The following CDH12 variants were observed in gnomAD, a reference collection of about 807,000 sequenced individuals.
CDH12 encodes cadherin 12, also known as cadherin-12.
A neutral mutation model predicts 74.1 loss-of-function variants in CDH12; 41 were observed. The ratio of observed to expected loss-of-function variants is 0.55; its 90% CI spans 0.43 to 0.72. CDH12 has a LOEUF of 0.72. Among genes scored for constraint, CDH12 ranks in the 30% least tolerant of loss-of-function variants. The pLI is 0.00. For missense variants in CDH12, 945 were observed against 977.2 expected, an observed-to-expected ratio of 0.97 and a Z score of 0.44; for synonymous variants, 399 against 355.0, an observed-to-expected ratio of 1.12 and a Z score of -1.39.
intron 10 of CDH12, among the ~76,000 whole-genome samples, chr5:21,798,806 A>ATGTTT (rs1362341232): frequency 6.6e-6 from 1 of 152,158 alleles, no homozygotes; most frequent in African/African-American, 2.4e-5. Flanking sequence ...AGAGACATAT[A>ATGTTT]TGTTTTTTGC....
intron 1 of CDH12, among the ~76,000 whole-genome samples, chr5:22,631,928 C>A (rs1045674399): frequency 6.6e-6 from 1 of 151,910 alleles, no homozygotes; most frequent in Non-Finnish European, 1.5e-5. Flanking sequence ...AGGATGTAAC[C>A]CCACGATCCA....
At chr5:21,867,396 C>T (rs1195184652) in intron 6 of CDH12, among the ~76,000 whole-genome samples, 1 of 152,144 alleles carries the variant, frequency 6.6e-6, no homozygotes, top group East Asian at 1.9e-4. Flanking sequence ...TTGGGAACCT[C>T]TGCCTAGATT....
At chr5:22,525,425 A>T (rs1427154082) in intron 1 of CDH12, among the ~76,000 whole-genome samples, 1 of 151,870 alleles carries the variant, frequency 6.6e-6, no homozygotes, top group Non-Finnish European at 1.5e-5. Flanking sequence ...GCCCTTAAGA[A>T]GCTGGTTTCT....
intron 1 of CDH12, among the ~76,000 whole-genome samples, chr5:22,752,469 C>T (rs1006740926): frequency 7.1e-6 from 1 of 140,564 alleles, no homozygotes; most frequent in African/African-American, 2.7e-5. Flanking sequence ...CACATGTTTT[C>T]ATTTCTCAAA....
intron 4 of CDH12, among the ~76,000 whole-genome samples, chr5:22,119,285 G>GTTT (rs397996987): frequency 3.0e-4 from 30 of 99,008 alleles, no homozygotes; most frequent in Non-Finnish European, 3.5e-4. Flanking sequence ...CTTCTACTTC[G>GTTT]TTTTTTTTTT....
chr5:22,400,870 A>T (rs986219570), intron 3 of CDH12, among the ~76,000 whole-genome samples: 27 of 152,062 alleles, frequency 1.8e-4, no homozygotes, highest in Admixed American at 1.0e-3. Flanking sequence ...GGAATTAATT[A>T]GATGGCCATG....
At position 22,045,617 on chromosome 5, in the gene CDH12, AC is replaced by A. The variant is rs1404567477; in HGVS notation, c.231+32828del. ...ACTATTCAGCCAAAAAAAAAAAAAA[AC>A]AATAAAATCTTGTCTTTTGGGACAA... On this transcript the variant is annotated intron_variant, in intron 5 of 14. Transcript: ENST00000382254. 2.4e-4 allele frequency among the ~76,000 whole-genome samples: 37 copies of A among 151,432 alleles called. 1 individual carries two copies. Among genetic ancestry groups the A allele is most frequent in the African/African-American group, 6.3e-4 (26 of 41,212 alleles).
chr5:22,817,057 G>C (rs1749428963), intron 1 of CDH12, among the ~76,000 whole-genome samples: 1 of 151,936 alleles, frequency 6.6e-6, no homozygotes, highest in African/African-American at 2.4e-5. Flanking sequence ...CCTCTCAATA[G>C]CCTCTCCTTA....
chr5:22,012,008 A>G (rs1009504171), intron 5 of CDH12, among the ~76,000 whole-genome samples: 1 of 152,122 alleles, frequency 6.6e-6, no homozygotes, highest in African/African-American at 2.4e-5. Flanking sequence ...TCAACTCTGT[A>G]TTATTGAAGT....
intron 1 of CDH12, among the ~76,000 whole-genome samples, chr5:22,611,706 T>G (rs879290272): frequency 6.6e-6 from 1 of 152,102 alleles, no homozygotes; most frequent in Non-Finnish European, 1.5e-5. Flanking sequence ...CTCAGCTGAC[T>G]GCATGCCTAT....
intron 3 of CDH12, among the ~76,000 whole-genome samples, chr5:22,404,458 C>T (rs929298095): frequency 1.3e-4 from 19 of 151,874 alleles, no homozygotes; most frequent in African/African-American, 4.1e-4. Context: ...AAGAAGCCTG[C>T]CCTTTTTTTT....
At chr5:22,212,886 G>A (rs1452294131) in intron 3 of CDH12, 2 of 152,100 alleles carry the variant, frequency 1.3e-5, no homozygotes, top group East Asian at 1.9e-4. Flanking sequence ...AAGGCACCAA[G>A]GCCACTTGGG....
intron 1 of CDH12, chr5:22,638,836 G>A (rs549311201): frequency 1.3e-5 from 2 of 151,930 alleles, no homozygotes; most frequent in East Asian, 3.9e-4. Flanking sequence ...ATATCACGAG[G>A]TCAGGAGATT....
chr5:22,134,350 A>G (rs1163218618), intron 4 of CDH12, among the ~76,000 whole-genome samples: 1 of 152,086 alleles, frequency 6.6e-6, no homozygotes, highest in Admixed American at 6.6e-5. Context: ...CTTCACTGGC[A>G]GGTCTCATTC....
chr5:22,384,217 A>C lies in CDH12; in HGVS notation c.-333+21040T>G, dbSNP rs183033231. 5.7e-3 allele frequency among the ~76,000 whole-genome samples: 868 copies of C among 152,252 alleles called. 2 individuals are homozygous for C. The highest frequency in any genetic ancestry group is 9.2e-3 in the Non-Finnish European group (624 of 68,018). On this transcript the variant is annotated intron_variant, in intron 3 of 14. Coordinates refer to ENST00000382254, the MANE Select transcript of CDH12 (RefSeq NM_004061.5). ...CTATCTAGCCTAGATAAATATTAAA[A>C]AATGTCCATAAGAAAAGAAAATGTT...
chr5:22,392,252 G>A (rs913610992), intron 3 of CDH12, among the ~76,000 whole-genome samples: 1 of 152,152 alleles, frequency 6.6e-6, no homozygotes, highest in Non-Finnish European at 1.5e-5. Flanking sequence ...TGAGAAGTTT[G>A]AAGTTGTGTT....
intron 1 of CDH12, among the ~76,000 whole-genome samples, chr5:22,836,948 AAAG>A (rs1209344731): frequency 6.6e-6 from 1 of 152,214 alleles, no homozygotes; most frequent in Non-Finnish European, 1.5e-5. Context: ...AATTGAAGCT[AAAG>A]AAGAATATCA....
chr5:21,940,661 A>G (rs1755287941), intron 6 of CDH12, among the ~76,000 whole-genome samples: 1 of 152,206 alleles, frequency 6.6e-6, no homozygotes, highest in African/African-American at 2.4e-5. Context: ...CTGATTATAT[A>G]TAGTTGCTTC....
chr5:22,802,773 A>G (rs889249794), intron 1 of CDH12, among the ~76,000 whole-genome samples: 1 of 152,192 alleles, frequency 6.6e-6, no homozygotes, highest in South Asian at 2.1e-4. Flanking sequence ...CACAATAGGC[A>G]CAAAGCCATA....
Sources: gnomAD v4.1 joint callset for allele counts (sites outside exome capture counted in the v4.1 genomes callset) on GRCh38, gnomAD v4.1.1 for gene constraint, MANE v1.5 for transcripts, NCBI Gene and HGNC (gene_info 2026-07-23, HGNC 2026-07-21) for gene names.